Variants in SH3KBP1 observed in about 807,000 individuals in gnomAD.
The protein encoded by SH3KBP1 is SH3 domain-containing kinase-binding protein 1.
In SH3KBP1, 8 loss-of-function variants were observed where a neutral mutation model predicts 50.1. The ratio of observed to expected loss-of-function variants is 0.16; its 90% CI spans 0.09 to 0.29. SH3KBP1 has a LOEUF of 0.29. SH3KBP1 is among the 10% of genes least tolerant of loss of function. The pLI is 1.00. For synonymous variants in SH3KBP1, 227 were observed against 218.6 expected, an observed-to-expected ratio of 1.04 and a Z score of -0.34; for missense variants, 377 against 535.2, an observed-to-expected ratio of 0.70 and a Z score of 2.92.
At chrX:19,632,506 CCAA>C (rs1469296624) in intron 7 of SH3KBP1, among the ~76,000 whole-genome samples, 1 of 112,614 alleles carries the variant, frequency 8.9e-6, no homozygotes, top group African/African-American at 3.2e-5. Flanking sequence ...CCATAAACAG[CCAA>C]CAAGTATTGA....
intron 1 of SH3KBP1, among the ~76,000 whole-genome samples, chrX:19,872,252 C>CAAAAAAAAAAA (rs67033348): frequency 4.5e-4 from 17 of 37,912 alleles, no homozygotes; most frequent in Admixed American, 1.6e-3. Flanking sequence ...AACTTCATCT[C>CAAAAAAAAAAA]AAAAAAAAAA....
chrX:19,717,872 G>A (rs912032423), intron 3 of SH3KBP1, among the ~76,000 whole-genome samples: 14 of 110,962 alleles, frequency 1.3e-4, no homozygotes, highest in African/African-American at 4.6e-4. Context: ...TTTTATATTC[G>A]GTCCCCTTAA....
chrX:19,612,189 C>G (rs979338972), intron 8 of SH3KBP1, among the ~76,000 whole-genome samples: 7 of 111,499 alleles, frequency 6.3e-5, no homozygotes, highest in African/African-American at 2.3e-4. Flanking sequence ...AAGAACTAGT[C>G]TTTTGATGGC....
chrX:19,727,447 AG>A (rs1355711019), intron 3 of SH3KBP1, among the ~76,000 whole-genome samples: 1 of 112,596 alleles, frequency 8.9e-6, no homozygotes, highest in African/African-American at 3.2e-5. Context: ...TATTTCACTT[AG>A]CATAATGTCC....
chrX:19,703,696 CTGTGTGTGTGTGTGTGTG>C (rs56915755), intron 4 of SH3KBP1, among the ~76,000 whole-genome samples: 1,430 of 63,486 alleles, frequency 0.023, 47 homozygotes, highest in African/African-American at 0.072. Context: ...AAAAGAGAAA[CTGTGTGTGTGTGTGTGTG>C]TGTGTGTGTG....
intron 2 of SH3KBP1, among the ~76,000 whole-genome samples, chrX:19,782,284 A>T (rs1330863396): frequency 8.9e-6 from 1 of 112,083 alleles, no homozygotes; most frequent in Admixed American, 9.5e-5. Context: ...AGAAGCTGGG[A>T]GAGGCAAGAA....
chrX:19,760,041 C>CCTCTCTCTCCCTCT lies in SH3KBP1; in HGVS notation c.163-13601_163-13600insAGAGGGAGAGAGAG, dbSNP rs2065351124. Among the ~76,000 whole-genome samples, 4 of 50,455 alleles carry CCTCTCTCTCCCTCT rather than the reference C, an allele frequency of 7.9e-5. No homozygotes were observed. In the East Asian group the frequency reaches 1.6e-3, roughly 20 times the overall value. The allele number at this position is 50,455 out of a possible 115,157, so 43.8% of individuals were successfully genotyped here. On this transcript the variant is annotated intron_variant, in intron 2 of 17. Coordinates refer to ENST00000397821, the MANE Select transcript of SH3KBP1 (RefSeq NM_031892.3). ...TCTCTCTCCTCTCTCTCTCTCTCTC[C>CCTCTCTCTCCCTCT]CTCTCTCTCTCTCTCTCTCTCTCTC...
intron 13 of SH3KBP1, among the ~76,000 whole-genome samples, chrX:19,559,993 G>C (rs954612224): frequency 9.0e-6 from 1 of 110,754 alleles, no homozygotes; most frequent in Non-Finnish European, 1.9e-5. Context: ...TTTACAAAAA[G>C]GTATGCTCAT....
intron 2 of SH3KBP1, among the ~76,000 whole-genome samples, chrX:19,822,848 A>C (rs988093052): frequency 5.4e-5 from 6 of 112,130 alleles, no homozygotes; most frequent in Non-Finnish European, 1.1e-4. Context: ...AGTTTTAACG[A>C]TAGTTTGATT....
chrX:19,814,534 C>T, intron 2 of SH3KBP1, among the ~76,000 whole-genome samples: 1 of 111,492 alleles, frequency 9.0e-6, no homozygotes, highest in Non-Finnish European at 1.9e-5. Flanking sequence ...TCTGTTGTTC[C>T]TCCAACAAGC....
intron 1 of SH3KBP1, among the ~76,000 whole-genome samples, chrX:19,855,281 G>C (rs373257632): frequency 8.9e-5 from 10 of 111,924 alleles, no homozygotes; most frequent in East Asian, 8.4e-4. Flanking sequence ...ACCATGCCCC[G>C]CCGGTAAGCT....
At chrX:19,779,799 T>C (rs1336037789) in intron 2 of SH3KBP1, among the ~76,000 whole-genome samples, 4 of 102,277 alleles carry the variant, frequency 3.9e-5, no homozygotes, top group African/African-American at 1.4e-4. Flanking sequence ...GGTGTATATG[T>C]GCCACATTTT....
At chrX:19,625,932 G>A (rs1206387251) in intron 8 of SH3KBP1, among the ~76,000 whole-genome samples, 2 of 111,693 alleles carry the variant, frequency 1.8e-5, no homozygotes, top group African/African-American at 6.5e-5. Context: ...GGAGTCCCTC[G>A]GGAAAGCTGC....
chrX:19,826,685 A>AATAACATAACATAACATAAC lies in SH3KBP1; in HGVS notation c.162+9420_162+9439dup, dbSNP rs3036641. 3.7e-4 allele frequency among the ~76,000 whole-genome samples: 33 copies of AATAACATAACATAACATAAC among 89,677 alleles called. 1 individual carries two copies. Among genetic ancestry groups the AATAACATAACATAACATAAC allele is most frequent in the East Asian group, 2.2e-3 (6 of 2,764 alleles). 77.9% of individuals were successfully genotyped at this position (89,677 alleles called of 115,157 possible). ...GCTATGGAAGGAGACACTGTCTCTA[A>AATAACATAACATAACATAAC]ATAACATAACATAACATAACATAAC... On this transcript the variant is annotated intron_variant, in intron 2 of 17. Coordinates refer to ENST00000397821, the MANE Select transcript of SH3KBP1 (RefSeq NM_031892.3).
chrX:19,636,529 T>C (rs2061706952), intron 7 of SH3KBP1, among the ~76,000 whole-genome samples: 1 of 111,771 alleles, frequency 8.9e-6, no homozygotes, highest in Non-Finnish European at 1.9e-5. Context: ...TGTCCAGTCA[T>C]GATTTACACC....
At chrX:19,561,060 C>T (rs1381113669) in intron 13 of SH3KBP1, among the ~76,000 whole-genome samples, 1 of 79,295 alleles carries the variant, frequency 1.3e-5, no homozygotes, top group African/African-American at 5.3e-5. Flanking sequence ...GGCAACAGAG[C>T]AAGACCCTGT....
At chrX:19,570,556 T>C (rs1347537510) in intron 12 of SH3KBP1, among the ~76,000 whole-genome samples, 1 of 111,220 alleles carries the variant, frequency 9.0e-6, no homozygotes, top group Non-Finnish European at 1.9e-5. Context: ...CGAGGGACGG[T>C]TGTAGCAGGA....
chrX:19,667,654 G>T (rs1190391784), intron 6 of SH3KBP1, among the ~76,000 whole-genome samples: 1 of 110,464 alleles, frequency 9.1e-6, no homozygotes, highest in Non-Finnish European at 1.9e-5. Context: ...GCATAAAATG[G>T]CAAAGGCAGT....
intron 8 of SH3KBP1, among the ~76,000 whole-genome samples, chrX:19,615,852 C>G (rs757340528): frequency 3.7e-4 from 41 of 111,053 alleles, no homozygotes; most frequent in Non-Finnish European, 5.1e-4. Flanking sequence ...GACGAGCTTA[C>G]TCAAGAAAAC....
Sources: gnomAD v4.1 joint callset for allele counts (sites outside exome capture counted in the v4.1 genomes callset) on GRCh38, gnomAD v4.1.1 for gene constraint, MANE v1.5 for transcripts, NCBI Gene and HGNC (gene_info 2026-07-23, HGNC 2026-07-21) for gene names.